Variants in OR1J2 observed in about 807,000 individuals in gnomAD.
The protein encoded by OR1J2 is olfactory receptor family 1 subfamily J member 2, also known as olfactory receptor 1J2.
For synonymous variants in OR1J2, 142 were observed against 99.7 expected (o/e 1.42, Z -2.52); for missense variants, 304 against 246.1 (o/e 1.24, Z -1.57).
chr9:122,494,243 TCTGTCTTGATAAC>T, the OR1J2 span, among the ~76,000 whole-genome samples: 1 of 152,314 alleles, frequency 6.6e-6, no homozygotes, highest in South Asian at 2.1e-4. Context: ...TTGTTGACTT[TCTGTCTTGATAAC>T]CTGTCTAGTG....
the OR1J2 span, among the ~76,000 whole-genome samples, chr9:122,576,378 C>T: frequency 0.31 from 45,980 of 150,308 alleles, 7,482 homozygotes; most frequent in African/African-American, 0.35. Context: ...TGAGCCACCA[C>T]GCCCAGCTAA....
the OR1J2 span, among the ~76,000 whole-genome samples, chr9:122,471,565 A>C: frequency 6.6e-6 from 1 of 152,224 alleles, no homozygotes; most frequent in South Asian, 2.1e-4. Context: ...TGGAGACAAA[A>C]TAAAGAATGA....
chr9:122,466,654 TG>T, the OR1J2 span, among the ~76,000 whole-genome samples: 3 of 152,204 alleles, frequency 2.0e-5, no homozygotes, highest in Non-Finnish European at 4.4e-5. Flanking sequence ...TCCAGATGGC[TG>T]GAAGAGAGAT....
the OR1J2 span, among the ~76,000 whole-genome samples, chr9:122,469,185 G>A: frequency 6.6e-6 from 1 of 152,208 alleles, no homozygotes; most frequent in Non-Finnish European, 1.5e-5. Flanking sequence ...GTAAGCAGCA[G>A]GTAAGTGATA....
the OR1J2 span, among the ~76,000 whole-genome samples, chr9:122,537,208 G>A: frequency 1.3e-5 from 2 of 152,186 alleles, no homozygotes; most frequent in Non-Finnish European, 2.9e-5. Context: ...TACGTCACAG[G>A]GGCTGCATGC....
In OR1J2 at chr9:122,511,056, G is replaced by T; in HGVS notation, c.255G>T (p.Met85Ile). The T allele has an allele frequency of 7.0e-7, 1 of 1,422,432 alleles. No individual in the cohort carries two copies. The allele number at this position is 1,422,432 out of a possible 1,614,324, so 88.1% of individuals were successfully genotyped here. A position where few individuals can be genotyped will look rare whatever the true frequency, so the allele number is the denominator to read the frequency against. ...SVTVPKMLMD[M>I]RTKYKSILYE... ...CTGTCCCTAAGATGCTGATGGACAT[G>T]CGGACTAAGTACAAATCGATCCTCT... Residue 85 changes from methionine to isoleucine, a missense_variant, in exon 1 of 1, where the codon ATG (methionine) becomes ATT (isoleucine). Physicochemically the swap from Met to Ile is conservative, Grantham distance 10. Coordinates refer to ENST00000335302, the MANE Select transcript of OR1J2 (RefSeq NM_054107.1).
the OR1J2 span, among the ~76,000 whole-genome samples, chr9:122,497,065 A>C: frequency 1.3e-5 from 2 of 152,114 alleles, no homozygotes; most frequent in Non-Finnish European, 2.9e-5. Flanking sequence ...TCCCGACAGC[A>C]CTGAGTCTAT....
chr9:122,455,762 T>C, the OR1J2 span, among the ~76,000 whole-genome samples: 2 of 152,200 alleles, frequency 1.3e-5, no homozygotes, highest in African/African-American at 4.8e-5. Flanking sequence ...GTGTCATGTC[T>C]ATGAAACTTG....
chr9:122,554,228 T>TG, the OR1J2 span: 13 of 1,230,826 alleles, frequency 1.1e-5, no homozygotes, highest in African/African-American at 1.5e-5. Context: ...ACTTCAGTAA[T>TG]TCTACTACTG....
chr9:122,517,031 G>T, the OR1J2 span, among the ~76,000 whole-genome samples: 1 of 152,152 alleles, frequency 6.6e-6, no homozygotes, highest in East Asian at 1.9e-4. Flanking sequence ...GGTTCAGATT[G>T]TATGCAGTCA....
chr9:122,561,658 C>T, the OR1J2 span, among the ~76,000 whole-genome samples: 1 of 152,074 alleles, frequency 6.6e-6, no homozygotes, highest in Non-Finnish European at 1.5e-5. Flanking sequence ...CACTCCTGCA[C>T]CTGGAGATGT....
chr9:122,536,210 C>A, the OR1J2 span, among the ~76,000 whole-genome samples: 1 of 152,162 alleles, frequency 6.6e-6, no homozygotes, highest in Non-Finnish European at 1.5e-5. Context: ...GTAAATGCAT[C>A]TCCTTGCTGC....
At chr9:122,567,665 G>T in the OR1J2 span, 1 of 1,614,070 alleles carries the variant, frequency 6.2e-7, no homozygotes, top group Middle Eastern at 1.6e-4. Context: ...TTGCCACGTG[G>T]TCCTTGACAG....
chr9:122,573,854 C>G, the OR1J2 span, among the ~76,000 whole-genome samples: 1 of 152,114 alleles, frequency 6.6e-6, no homozygotes, highest in East Asian at 1.9e-4. Flanking sequence ...TTATGTTATC[C>G]TCTATGAGTT....
chr9:122,535,930 G>A, the OR1J2 span, among the ~76,000 whole-genome samples: 3 of 152,188 alleles, frequency 2.0e-5, no homozygotes, highest in Non-Finnish European at 4.4e-5. Flanking sequence ...TGGCGGGCAG[G>A]AGTGGGGGTC....
chr9:122,474,390 T>A, the OR1J2 span, among the ~76,000 whole-genome samples: 1 of 152,358 alleles, frequency 6.6e-6, no homozygotes, highest in South Asian at 2.1e-4. Flanking sequence ...GTCTTGAGAC[T>A]GACTTCCAGC....
At chr9:122,554,689 A>G in the OR1J2 span, among the ~76,000 whole-genome samples, 1 of 152,214 alleles carries the variant, frequency 6.6e-6, no homozygotes, top group East Asian at 1.9e-4. Flanking sequence ...GATCATGACA[A>G]GGAAGGTGTG....
At chr9:122,479,880 C>A in the OR1J2 span, among the ~76,000 whole-genome samples, 7 of 152,098 alleles carry the variant, frequency 4.6e-5, no homozygotes, top group African/African-American at 1.7e-4. Context: ...ATCATAACAG[C>A]TTTATTAAAA....
the OR1J2 span, among the ~76,000 whole-genome samples, chr9:122,540,857 T>C: frequency 1.3e-5 from 2 of 152,196 alleles, no homozygotes; most frequent in African/African-American, 2.4e-5. Flanking sequence ...GATTCCTAGG[T>C]ATTTTATTCT....
Sources: allele counts gnomAD v4.1 joint callset (sites outside exome capture counted in the v4.1 genomes callset), GRCh38; gene constraint gnomAD v4.1.1; transcripts MANE v1.5; gene names NCBI Gene and HGNC (gene_info 2026-07-23, HGNC 2026-07-21).